Variants in DAB1 observed in about 807,000 individuals in gnomAD.
DAB1 encodes the protein disabled homolog 1.
DAB1 carries 15 observed loss-of-function variants against 64.6 expected under a neutral mutation model. The ratio of observed to expected loss-of-function variants is 0.23; its 90% CI spans 0.16 to 0.36. The LOEUF (loss-of-function observed/expected upper bound fraction) is 0.36, where lower values mean the gene tolerates loss of function less well. Among genes scored for constraint, DAB1 ranks in the 10% least tolerant of loss-of-function variants. The pLI, the probability that DAB1 is intolerant of heterozygous loss-of-function variation, is 1.00. For synonymous variants in DAB1, 235 were observed against 251.9 expected (o/e 0.93, Z 0.64); for missense variants, 596 against 706.7 (o/e 0.84, Z 1.78).
At chr1:58,494,149 C>G (rs576270817) in intron 3 of DAB1, among the ~76,000 whole-genome samples, 71 of 152,174 alleles carry the variant, frequency 4.7e-4, no homozygotes, top group African/African-American at 1.7e-3. Flanking sequence ...ACAAACCTGA[C>G]AAAAATAAGA....
intron 4 of DAB1, among the ~76,000 whole-genome samples, chr1:58,236,194 C>T (rs1312572591): frequency 2.0e-5 from 3 of 150,876 alleles, no homozygotes; most frequent in Non-Finnish European, 2.9e-5. Flanking sequence ...GAGGGAACAA[C>T]CTGCAGAGAA....
chr1:57,201,677 T>G (rs925463162), intron 2 of DAB1, among the ~76,000 whole-genome samples: 1 of 152,166 alleles, frequency 6.6e-6, no homozygotes, highest in Non-Finnish European at 1.5e-5. Flanking sequence ...GAGCTTCCGT[T>G]CTAGTGGAAC....
intron 5 of DAB1, among the ~76,000 whole-genome samples, chr1:58,084,804 C>T (rs542492225): frequency 2.7e-4 from 40 of 149,506 alleles, no homozygotes; most frequent in Middle Eastern, 3.6e-3. Flanking sequence ...TATATATACA[C>T]ACATATGTGT....
intron 5 of DAB1, 36 bp downstream of exon 5, chr1:57,072,247 C>A: frequency 1.2e-6 from 2 of 1,609,950 alleles, no homozygotes; most frequent in Non-Finnish European, 1.7e-6. Flanking sequence ...CCCAGAGTTC[C>A]AAGGAAAGAC....
rs910009432 is a variant in DAB1, at chr1:57,952,116, C to CT, written n.388-67955dup. ...TGTGGCTACCTGCTACTTCTATGACCTTTTTTTTTTCTTTGCCTCCAGGAA... is the reference window on the plus strand; with the variant it reads ...TGTGGCTACCTGCTACTTCTATGACCTTTTTTTTTTTCTTTGCCTCCAGGAA... On this transcript the variant is annotated intron_variant and non_coding_transcript_variant, in intron 5 of 20. Coordinates refer to the DAB1 transcript ENST00000485760. Among the ~76,000 whole-genome samples, 47 of 149,918 alleles carry CT rather than the reference C, an allele frequency of 3.1e-4. 1 individual carries two copies. The highest frequency in any genetic ancestry group is 8.8e-4 in the African/African-American group (36 of 40,904).
chr1:57,338,461 T>C (rs1335409858), intron 1 of DAB1, among the ~76,000 whole-genome samples: 6 of 152,190 alleles, frequency 3.9e-5, no homozygotes, highest in African/African-American at 1.4e-4. Flanking sequence ...TATTAAAAAA[T>C]AATAGGCATT....
chr1:57,630,585 A>G (rs891207762), intron 7 of DAB1, among the ~76,000 whole-genome samples: 5 of 152,204 alleles, frequency 3.3e-5, no homozygotes, highest in Non-Finnish European at 7.3e-5. Context: ...TCAAATCTTA[A>G]TGCTGACACT....
intron 2 of DAB1, among the ~76,000 whole-genome samples, chr1:57,273,573 TC>T (rs1558067023): frequency 8.9e-5 from 5 of 56,110 alleles, no homozygotes; most frequent in Admixed American, 7.5e-4. Context: ...CTTCCTTCCT[TC>T]CTTCCTTCCT....
rs866313443 is a variant in DAB1, at chr1:57,756,000, C to T, written n.552-106335G>A. Among the ~76,000 whole-genome samples the T allele has an allele frequency of 3.3e-5, 5 of 152,084 alleles. No homozygotes were observed. The South Asian group carries it at 6.2e-4, about 19-fold the overall frequency. On this transcript the variant is annotated intron_variant and non_coding_transcript_variant, in intron 6 of 20. Coordinates refer to the DAB1 transcript ENST00000485760. ...CATGTGGCAAAGAACAAAGAAATTT[C>T]GGAAAGAATATATTGCTCGTTCCTG... is the stretch of plus-strand genomic sequence containing the variant.
intron 2 of DAB1, among the ~76,000 whole-genome samples, chr1:57,180,455 G>A (rs186905000): frequency 1.3e-5 from 2 of 152,300 alleles, no homozygotes; most frequent in Admixed American, 6.5e-5. Context: ...CTTTTCTGCT[G>A]AAAGCAAAGA....
intron 3 of DAB1, among the ~76,000 whole-genome samples, chr1:58,399,386 G>A (rs1644551165): frequency 1.3e-5 from 2 of 152,222 alleles, no homozygotes; most frequent in Non-Finnish European, 2.9e-5. Context: ...GCAGGGCTGG[G>A]ATCCAAGCCT....
intron 2 of DAB1, among the ~76,000 whole-genome samples, chr1:57,215,886 G>A (rs1037131547): frequency 1.3e-5 from 2 of 152,182 alleles, no homozygotes; most frequent in African/African-American, 4.8e-5. Context: ...AAGGGCCTGG[G>A]GGGACACAGC....
chr1:58,426,651 G>C (rs1421933820), intron 3 of DAB1, among the ~76,000 whole-genome samples: 2 of 152,214 alleles, frequency 1.3e-5, no homozygotes, highest in Admixed American at 1.3e-4. Context: ...CCCTGCCCTT[G>C]TGGAGATTAC....
At chr1:57,439,629 A>T (rs60674134) in intron 7 of DAB1, among the ~76,000 whole-genome samples, 26,456 of 110,750 alleles carry the variant, frequency 0.24, 4,233 homozygotes, top group African/African-American at 0.37. Context: ...GGGGTTCACC[A>T]TGTTAGCCAG....
At chr1:58,192,664 T>G (rs7529800) in intron 4 of DAB1, among the ~76,000 whole-genome samples, 68,529 of 152,112 alleles carry the variant, frequency 0.45, 19,136 homozygotes, top group Non-Finnish European at 0.64. Flanking sequence ...TATATATGTG[T>G]GTGTGTGTAT....
chr1:57,582,307 G>C (rs1274950719), intron 7 of DAB1, among the ~76,000 whole-genome samples: 17 of 152,162 alleles, frequency 1.1e-4, no homozygotes, highest in Admixed American at 1.1e-3. Flanking sequence ...GCAGGAGAGA[G>C]AGAAAAATCA....
chr1:57,569,602 TG>T (rs1645168842), intron 7 of DAB1, among the ~76,000 whole-genome samples: 1 of 102,592 alleles, frequency 9.7e-6, no homozygotes, highest in African/African-American at 3.8e-5. Flanking sequence ...TGTTGTGTGG[TG>T]GGGGTAGGGG....
At chr1:58,463,227 G>A (rs1277871097) in intron 3 of DAB1, among the ~76,000 whole-genome samples, 1 of 152,206 alleles carries the variant, frequency 6.6e-6, no homozygotes, top group African/African-American at 2.4e-5. Context: ...TTGAGCCTTA[G>A]TGCCTTCCCC....
chr1:58,288,019 C>CAAAAAAAAAA (rs763850453), intron 4 of DAB1, among the ~76,000 whole-genome samples: 3 of 21,980 alleles, frequency 1.4e-4, no homozygotes, highest in African/African-American at 2.1e-4. Flanking sequence ...AAGACTGCCT[C>CAAAAAAAAAA]AAAAAAAAAA....
Sources: allele counts gnomAD v4.1 joint callset (sites outside exome capture counted in the v4.1 genomes callset), GRCh38; gene constraint gnomAD v4.1.1; transcripts MANE v1.5; gene names NCBI Gene and HGNC (gene_info 2026-07-23, HGNC 2026-07-21).